Variants in PXYLP1 observed in about 807,000 individuals in gnomAD.
PXYLP1 encodes the protein 2-phosphoxylose phosphatase 1.
Under a neutral mutation model 37.9 loss-of-function variants are expected in PXYLP1, and 17 were observed. The observed-to-expected ratio is 0.45, with a 90% CI of 0.31 to 0.67. PXYLP1 has a LOEUF of 0.67. Ranked by LOEUF, PXYLP1 falls within the 30% of genes least tolerant of loss-of-function variation. PXYLP1 has a pLI of 0.07. For missense variants in PXYLP1, 511 were observed against 612.0 expected (o/e 0.84, Z 1.74); for synonymous variants, 221 against 232.2 (o/e 0.95, Z 0.44).
chr3:141,260,384 C>T (rs1941363828), intron 2 of PXYLP1, 130 bp downstream of exon 2: 2 of 1,058,726 alleles, frequency 1.9e-6, no homozygotes, highest in Non-Finnish European at 2.7e-6. Context: ...TGTTGGCACT[C>T]ACAGTGGCCG....
intron 1 of PXYLP1, among the ~76,000 whole-genome samples, chr3:141,255,392 T>C (rs576486554): frequency 1.3e-5 from 2 of 152,340 alleles, no homozygotes; most frequent in Admixed American, 1.3e-4. Flanking sequence ...ACAGAAGTAT[T>C]TGTGGGAATT....
Position 141,293,064 on chromosome 3 carries a change from C to A in PXYLP1, c.1302C>A (p.Phe434Leu). The change falls in exon 6 of 6, where the codon TTC becomes TTA. Residue 434 changes from phenylalanine to leucine, a missense_variant. Physicochemically the swap from Phe to Leu is conservative, Grantham distance 22 (BLOSUM62 0). Transcript: ENST00000286353. Reference sequence around the variant, plus strand: ...TCGATGTCACATTCCACACCTCTTTCTGCCAAGACCACCACAAGCGTTCTC... The same window carrying A: ...TCGATGTCACATTCCACACCTCTTTATGCCAAGACCACCACAAGCGTTCTC... The part of the protein sequence containing the change: ...NGVDVTFHTS[F>L]CQDHHKRSPK... 1.2e-6 allele frequency: 2 copies of A among 1,614,240 alleles called. No homozygotes were observed. Among genetic ancestry groups the A allele is most frequent in the Non-Finnish European group, 1.7e-6 (2 of 1,180,046 alleles).
At chr3:141,255,811 G>T (rs1478771250) in intron 1 of PXYLP1, among the ~76,000 whole-genome samples, 4 of 152,240 alleles carry the variant, frequency 2.6e-5, no homozygotes, top group African/African-American at 9.6e-5. Context: ...GGGAGCTCTG[G>T]AAAACTCAGG....
Position 141,262,009 on chromosome 3 carries a change from C to A in PXYLP1, c.79+1755C>A, listed in dbSNP as rs116292800. 6.5e-3 allele frequency: 997 copies of A among 152,772 alleles called. 11 individuals carry two copies. The highest frequency in any genetic ancestry group is 0.022 in the African/African-American group (917 of 41,544). The allele number at this position is 152,772 out of a possible 1,614,324, so 9.5% of individuals were successfully genotyped here. On this transcript the variant is annotated intron_variant, in intron 2 of 5. Transcript: ENST00000286353. The stretch of plus-strand genomic sequence containing the variant: ...GACAGCTGTGTGAGGAGGGGCATTT[C>A]TGTTGCAGTTTGAATGATGGAAAGA...
chr3:141,263,396 G>T (rs1253256847), intron 2 of PXYLP1, among the ~76,000 whole-genome samples: 3 of 152,218 alleles, frequency 2.0e-5, no homozygotes, highest in Non-Finnish European at 4.4e-5. Context: ...TTTTGTGTTT[G>T]GAAGGTGAAA....
In PXYLP1 at chr3:141,293,470, A is replaced by G. The variant is rs1442242597; in HGVS notation, c.*265A>G. ...AGACTTCGCTTAGAATGCCAGAATA[A>G]TATAGTTCAAGACCTGAAGTTGCCA... On this transcript the variant is annotated 3_prime_UTR_variant, in exon 6 of 6. Transcript: ENST00000286353. The G allele has an allele frequency of 2.2e-6, 1 of 455,414 alleles. No homozygotes were observed. Among genetic ancestry groups the G allele is most frequent in the Admixed American group, 4.0e-5 (1 of 25,030 alleles). The allele number at this position is 455,414 out of a possible 1,614,324, so 28.2% of individuals were successfully genotyped here. A position where few individuals can be genotyped will look rare whatever the true frequency, so the allele number is the denominator to read the frequency against.
Position 141,267,822 on chromosome 3 carries a change from CCTCCCTCCCTCCCTCTCTGT to C in PXYLP1, c.79+7585_79+7604del, listed in dbSNP as rs369051339. Reference sequence around the variant, plus strand: ...CTTTCAGGGTGGAGCTAGATAATGACCTCCCTCCCTCCCTCTCTGTCTCCCTCCCTCCCTCTGTCCCTCTC... The same window carrying C: ...CTTTCAGGGTGGAGCTAGATAATGACCTCCCTCCCTCCCTCTGTCCCTCTC... On this transcript the variant is annotated intron_variant, in intron 2 of 5. Transcript: ENST00000286353. Among the ~76,000 whole-genome samples, 321 of 151,608 alleles carry C rather than the reference CCTCCCTCCCTCCCTCTCTGT, an allele frequency of 2.1e-3. 2 individuals are homozygous for C. The highest frequency in any genetic ancestry group is 7.6e-3 in the African/African-American group (313 of 41,268).
intron 2 of PXYLP1, among the ~76,000 whole-genome samples, chr3:141,260,943 C>T (rs1467884550): frequency 6.6e-6 from 1 of 152,222 alleles, no homozygotes; most frequent in Non-Finnish European, 1.5e-5. Flanking sequence ...TGTGGCCCCT[C>T]TCTGCTGCTT....
At chr3:141,274,253 G>T in intron 2 of PXYLP1, 1 of 1,262,026 alleles carries the variant, frequency 7.9e-7, no homozygotes, top group Non-Finnish European at 1.0e-6. Context: ...GGGCAGAGGC[G>T]GCCTGCAGCC....
At chr3:141,251,769 G>T (rs776454244) in intron 1 of PXYLP1, among the ~76,000 whole-genome samples, 8 of 152,168 alleles carry the variant, frequency 5.3e-5, no homozygotes, top group Non-Finnish European at 1.0e-4. Flanking sequence ...TGAACCAAAT[G>T]ATATTTAAAA....
intron 1 of PXYLP1, among the ~76,000 whole-genome samples, chr3:141,240,251 G>A (rs534059629): frequency 6.6e-6 from 1 of 152,374 alleles, no homozygotes; most frequent in Non-Finnish European, 1.5e-5. Context: ...CGGGCCATGT[G>A]AGTGTGTAGT....
intron 2 of PXYLP1, among the ~76,000 whole-genome samples, chr3:141,270,427 G>A (rs1941634273): frequency 6.6e-6 from 1 of 152,188 alleles, no homozygotes; most frequent in African/African-American, 2.4e-5. Flanking sequence ...TGTGGTTCTG[G>A]TTTTCATTTG....
intron 2 of PXYLP1, among the ~76,000 whole-genome samples, chr3:141,270,871 G>A (rs1941645761): frequency 6.6e-6 from 1 of 152,132 alleles, no homozygotes; most frequent in African/African-American, 2.4e-5. Context: ...TCCAGGGGAT[G>A]GATGTAGAAA....
Position 141,278,426 on chromosome 3 carries a change from C to G in PXYLP1, c.164C>G (p.Pro55Arg), listed in dbSNP as rs1314532563. ...ATCATGCCCGACCCTGTGACGGAGC[C>G]CCCTGTGACAGACCCCGTTTATGAA... ...KRIMPDPVTE[P>R]PVTDPVYEAL... The change falls in exon 3 of 6, where the codon CCC becomes CGC. Residue 55 changes from proline to arginine, a missense_variant. Physicochemically the swap from Pro to Arg is moderately radical, Grantham distance 103 (BLOSUM62 -2). Transcript: ENST00000286353. 8.7e-6 allele frequency: 14 copies of G among 1,614,176 alleles called. No homozygotes were observed. The highest frequency in any genetic ancestry group is 3.3e-5 in the Admixed American group (2 of 60,028).
At chr3:141,272,180 G>T (rs957386190) in intron 2 of PXYLP1, among the ~76,000 whole-genome samples, 52 of 152,192 alleles carry the variant, frequency 3.4e-4, no homozygotes, top group African/African-American at 1.2e-3. Context: ...GTGTGTCCTT[G>T]TGCAAGTCAG....
chr3:141,279,286 G>T, intron 3 of PXYLP1, 92 bp from the exon 4 acceptor site: 1 of 1,523,310 alleles, frequency 6.6e-7, no homozygotes, highest in Non-Finnish European at 8.9e-7. Context: ...CAGATTCCCA[G>T]CCCAAATGTG....
At chr3:141,238,983 G>C (rs1195841661) in intron 1 of PXYLP1, among the ~76,000 whole-genome samples, 1 of 151,652 alleles carries the variant, frequency 6.6e-6, no homozygotes, top group Non-Finnish European at 1.5e-5. Context: ...GAGAACCTAC[G>C]TGTAAGTCGA....
chr3:141,255,310 A>G (rs1941240538), intron 1 of PXYLP1, among the ~76,000 whole-genome samples: 1 of 152,248 alleles, frequency 6.6e-6, no homozygotes, highest in Non-Finnish European at 1.5e-5. Context: ...AGGGGACTGC[A>G]GCTGTGCCCA....
At chr3:141,232,746 A>G (rs1167899200) in intron 1 of PXYLP1, among the ~76,000 whole-genome samples, 1 of 152,206 alleles carries the variant, frequency 6.6e-6, no homozygotes, top group Non-Finnish European at 1.5e-5. Flanking sequence ...TGCCTTTTAA[A>G]TTGTACCTGT....
Sources: allele counts gnomAD v4.1 joint callset (sites outside exome capture counted in the v4.1 genomes callset), GRCh38; gene constraint gnomAD v4.1.1; transcripts MANE v1.5; gene names NCBI Gene and HGNC (gene_info 2026-07-23, HGNC 2026-07-21).